The following FKBP5 variants were observed in gnomAD, a reference collection of about 807,000 sequenced individuals.
The protein encoded by FKBP5 is peptidyl-prolyl cis-trans isomerase FKBP5.
A neutral mutation model predicts 50.5 loss-of-function variants in FKBP5; 23 were observed. The ratio of observed to expected loss-of-function variants is 0.46; its 90% confidence interval spans 0.33 to 0.65. FKBP5 has a LOEUF of 0.65. FKBP5 is among the 30% of genes least tolerant of loss of function. The pLI is 0.02. For synonymous variants in FKBP5, 176 were observed against 190.6 expected, an observed-to-expected ratio of 0.92 and a Z score of 0.63; for missense variants, 411 against 553.1, an observed-to-expected ratio of 0.74 and a Z score of 2.58.
At chr6:35,614,374 T>C (rs1763581623) in intron 5 of FKBP5, among the ~76,000 whole-genome samples, 1 of 152,190 alleles carries the variant, frequency 6.6e-6, no homozygotes, top group Non-Finnish European at 1.5e-5. Flanking sequence ...TCGTTTTTTA[T>C]ATAGTTTAAA....
At chr6:35,710,830 A>C (rs918150823) in intron 2 of FKBP5, among the ~76,000 whole-genome samples, 1 of 152,248 alleles carries the variant, frequency 6.6e-6, no homozygotes, top group Non-Finnish European at 1.5e-5. Flanking sequence ...CACACTACTT[A>C]ATATGTGCAA....
intron 2 of FKBP5, among the ~76,000 whole-genome samples, chr6:35,717,278 G>A (rs911463333): frequency 6.6e-5 from 10 of 152,214 alleles, no homozygotes; most frequent in Non-Finnish European, 1.5e-4. Flanking sequence ...ATGTGAGCTG[G>A]GCTTGCCTGA....
chr6:35,580,121 G>T lies in FKBP5; in HGVS notation c.941C>A (p.Ser314Ter). The change falls in exon 9 of 11, where the codon TCA becomes TAA. Residue 314 changes from serine (S) to a stop codon, truncating the protein, a stop_gained. Coordinates refer to ENST00000357266, the MANE Select transcript of FKBP5 (RefSeq NM_004117.4). LOFTEE classifies it high-confidence loss of function. ...LSEKESKASE[S>*]FLLAAFLNLA... ...GTTCAGAAAGGCAGCAAGGAGAAATGATTCAGAAGCTTTCGATTCCTTTTC... is the reference window on the plus strand; with the variant it reads ...GTTCAGAAAGGCAGCAAGGAGAAATTATTCAGAAGCTTTCGATTCCTTTTC... 4 of 1,614,072 alleles carry T rather than the reference G, an allele frequency of 2.5e-6. No individual in the cohort carries two copies. Among genetic ancestry groups the T allele is most frequent in the Non-Finnish European group, 3.4e-6 (4 of 1,179,920 alleles).
chr6:35,702,047 C>T lies in FKBP5; in HGVS notation c.-20+18281G>A, dbSNP rs145856044. On this transcript the variant is annotated intron_variant, in intron 2 of 11. Transcript: ENST00000536438. ...ATTTTTAGTAGAGATGGGGTTTCACCTTGTTGGCCTGGCTGGTCTGGAACT... is the reference window on the plus strand; with the variant it reads ...ATTTTTAGTAGAGATGGGGTTTCACTTTGTTGGCCTGGCTGGTCTGGAACT... 7.5e-4 allele frequency among the ~76,000 whole-genome samples: 114 copies of T among 152,070 alleles called. 2 individuals are homozygous for T. The East Asian group carries it at 0.013, about 17-fold the overall frequency.
rs1156851211 is a variant in FKBP5 at position 35,674,918 on chromosome 6, C to A, written c.-20+13886G>T. On this transcript the variant is annotated intron_variant, in intron 1 of 10. Coordinates refer to ENST00000357266, the MANE Select transcript of FKBP5 (RefSeq NM_004117.4). ...TCTAGGTTGTTAATTATCTTTTGTG[C>A]ATATGTTCTGTCCTTTCTGAGAGCA... Among the ~76,000 whole-genome samples the A allele has an allele frequency of 2.0e-5, 3 of 152,328 alleles. No individual in the cohort carries two copies. In the South Asian group the frequency reaches 6.2e-4, roughly 32 times the overall value.
intron 1 of FKBP5, among the ~76,000 whole-genome samples, chr6:35,648,510 C>T (rs939871166): frequency 6.6e-6 from 1 of 152,076 alleles, no homozygotes; most frequent in Non-Finnish European, 1.5e-5. Flanking sequence ...TGATCCTGGG[C>T]TCAAGTGATC....
chr6:35,694,675 C>T (rs1290129787), intron 2 of FKBP5, among the ~76,000 whole-genome samples: 2 of 152,136 alleles, frequency 1.3e-5, no homozygotes, highest in African/African-American at 2.4e-5. Flanking sequence ...AGCTGGACTA[C>T]AGTCTATGGA....
At chr6:35,728,419 C>T (rs536940586) in intron 1 of FKBP5, 96 of 152,458 alleles carry the variant, frequency 6.3e-4, no homozygotes, top group African/African-American at 2.2e-3. Context: ...GCTCTGCCCA[C>T]CTGGGAGAAG....
At chr6:35,615,239 T>C (rs554505978) in intron 5 of FKBP5, among the ~76,000 whole-genome samples, 47 of 152,058 alleles carry the variant, frequency 3.1e-4, no homozygotes, top group Non-Finnish European at 6.2e-4. Context: ...TTGAGGTCCA[T>C]ATATTCTCTA....
intron 1 of FKBP5, chr6:35,652,095 T>C (rs1042427427): frequency 2.4e-5 from 4 of 169,852 alleles, no homozygotes; most frequent in African/African-American, 4.8e-5. Context: ...TAAACATAAA[T>C]TGTAAAGATT....
At chr6:35,676,244 T>C (rs1765519035) in intron 1 of FKBP5, among the ~76,000 whole-genome samples, 1 of 152,256 alleles carries the variant, frequency 6.6e-6, no homozygotes, top group African/African-American at 2.4e-5. Flanking sequence ...TAAATCCACT[T>C]TAGAAACGCT....
chr6:35,710,954 A>G (rs1766400876), intron 2 of FKBP5, among the ~76,000 whole-genome samples: 1 of 152,214 alleles, frequency 6.6e-6, no homozygotes, highest in Non-Finnish European at 1.5e-5. Context: ...AATCTAATCT[A>G]TACTGGTAGA....
At chr6:35,644,399 C>G (rs1397257700) in intron 1 of FKBP5, among the ~76,000 whole-genome samples, 1 of 152,218 alleles carries the variant, frequency 6.6e-6, no homozygotes, top group Non-Finnish European at 1.5e-5. Flanking sequence ...CAGAAAATGT[C>G]TTATTGATAC....
chr6:35,686,156 T>C (rs1190048726), intron 1 of FKBP5, among the ~76,000 whole-genome samples: 1 of 152,140 alleles, frequency 6.6e-6, no homozygotes, highest in Non-Finnish European at 1.5e-5. Flanking sequence ...TAAATGGCTT[T>C]AAAAACACTC....
In FKBP5 at chr6:35,582,229, GTCAT is replaced by G. The variant is rs368100295; in HGVS notation, c.841-2012_841-2009del. 70 of 985,382 alleles carry G rather than the reference GTCAT, an allele frequency of 7.1e-5. No homozygotes were observed. In the African/African-American group the frequency reaches 1.0e-3, roughly 14 times the overall value. 61.0% of individuals were successfully genotyped at this position (985,382 alleles called of 1,614,324 possible). ...TCTGCCTCAGAAGTGTGTGATACAG[GTCAT>G]TCATAAGAACACGAAACCAGGGCAT... On this transcript the variant is annotated intron_variant, in intron 8 of 10. Coordinates refer to ENST00000357266, the MANE Select transcript of FKBP5 (RefSeq NM_004117.4).
chr6:35,591,056 A>G, intron 7 of FKBP5, 74 bp downstream of exon 7: 1 of 978,524 alleles, frequency 1.0e-6, no homozygotes, highest in Non-Finnish European at 1.6e-6. Flanking sequence ...ACCTACTAAG[A>G]TAAGATACTG....
intron 5 of FKBP5, among the ~76,000 whole-genome samples, chr6:35,604,608 T>C (rs909014740): frequency 2.0e-5 from 3 of 151,750 alleles, no homozygotes; most frequent in Admixed American, 2.0e-4. Context: ...ATCTTTCCTC[T>C]ATTTTCAATT....
intron 1 of FKBP5, among the ~76,000 whole-genome samples, chr6:35,666,335 C>A (rs543568568): frequency 6.2e-5 from 8 of 129,284 alleles, no homozygotes; most frequent in African/African-American, 2.4e-4. Flanking sequence ...CAGGAAATAA[C>A]CTGTAGATAT....
chr6:35,627,123 A>G (rs1340663177), intron 3 of FKBP5, among the ~76,000 whole-genome samples: 1 of 152,128 alleles, frequency 6.6e-6, no homozygotes, highest in Non-Finnish European at 1.5e-5. Flanking sequence ...CAATTTCTCT[A>G]CATCCTCATC....
Sources: gnomAD v4.1 joint callset for allele counts (sites outside exome capture counted in the v4.1 genomes callset) on GRCh38, gnomAD v4.1.1 for gene constraint, MANE v1.5 for transcripts, NCBI Gene and HGNC (gene_info 2026-07-23, HGNC 2026-07-21) for gene names.